Variants in RBFOX1 observed in about 807,000 individuals in gnomAD.
RBFOX1 encodes the protein RNA binding fox-1 homolog 1.
RBFOX1 carries 8 observed loss-of-function variants against 57.7 expected under a neutral mutation model. That is an observed-to-expected ratio of 0.14 (90% CI 0.08 to 0.25). RBFOX1 has a LOEUF of 0.25. Ranked by LOEUF, RBFOX1 falls within the 10% of genes least tolerant of loss-of-function variation. The pLI, the probability that RBFOX1 is intolerant of heterozygous loss-of-function variation, is 1.00. For missense variants in RBFOX1, 611 were observed against 548.5 expected (o/e 1.11, Z -1.14); for synonymous variants, 326 against 222.4 (o/e 1.47, Z -4.15).
At chr16:6,396,840 G>A (rs1018827013) in intron 2 of RBFOX1, among the ~76,000 whole-genome samples, 6 of 151,720 alleles carry the variant, frequency 4.0e-5, no homozygotes, top group African/African-American at 1.5e-4. Flanking sequence ...TGAAACAGCT[G>A]GTATAAATGT....
chr16:6,563,900 GTA>G (rs2097219419), intron 2 of RBFOX1, among the ~76,000 whole-genome samples: 1 of 151,586 alleles, frequency 6.6e-6, no homozygotes, highest in Non-Finnish European at 1.5e-5. Flanking sequence ...GTATATGTGC[GTA>G]TATGTGTGTG....
intron 4 of RBFOX1, among the ~76,000 whole-genome samples, chr16:5,891,479 T>C (rs1037075490): frequency 6.6e-6 from 1 of 152,230 alleles, no homozygotes; most frequent in African/African-American, 2.4e-5. Flanking sequence ...AGTTTTAAAA[T>C]AGACAAACTA....
chr16:7,014,726 T>C (rs1027636574), intron 3 of RBFOX1, among the ~76,000 whole-genome samples: 2 of 151,742 alleles, frequency 1.3e-5, no homozygotes, highest in Non-Finnish European at 2.9e-5. Flanking sequence ...CCAAGTTCTT[T>C]ACCAGGTTGT....
intron 1 of RBFOX1, among the ~76,000 whole-genome samples, chr16:5,253,432 G>A (rs1468507067): frequency 9.9e-5 from 15 of 152,098 alleles, no homozygotes; most frequent in South Asian, 2.1e-4. Flanking sequence ...GATTACAGGC[G>A]TGAGCCACCA....
chr16:7,052,151 G>C, intron 4 of RBFOX1, 53 bp downstream of exon 4: 1 of 1,573,646 alleles, frequency 6.4e-7, no homozygotes, highest in Non-Finnish European at 8.6e-7. Context: ...TGTGTGATAA[G>C]CAAAAATTTC....
chr16:6,189,004 A>C (rs1318304157), intron 1 of RBFOX1, among the ~76,000 whole-genome samples: 2 of 152,218 alleles, frequency 1.3e-5, no homozygotes, highest in Admixed American at 6.5e-5. Context: ...AAATATTTGA[A>C]CATGTTTATT....
At chr16:5,569,387 TG>T (rs1468019631) in intron 2 of RBFOX1, among the ~76,000 whole-genome samples, 1 of 150,354 alleles carries the variant, frequency 6.7e-6, no homozygotes, top group African/African-American at 2.4e-5. Context: ...TGAAACAGAA[TG>T]TATGATGCTC....
At chr16:7,425,150 A>G (rs1242590577) in intron 4 of RBFOX1, among the ~76,000 whole-genome samples, 1 of 152,216 alleles carries the variant, frequency 6.6e-6, no homozygotes, top group Non-Finnish European at 1.5e-5. Context: ...AGACATTTAG[A>G]GAAAAAAATG....
rs1208195392 is a variant in RBFOX1 at position 6,596,402 on chromosome 16, GA to G, written c.-63-58200del. 1.1e-4 allele frequency among the ~76,000 whole-genome samples: 17 copies of G among 152,140 alleles called. No individual in the cohort carries two copies. In the East Asian group the frequency reaches 3.3e-3, roughly 29 times the overall value. On this transcript the variant is annotated intron_variant, in intron 2 of 15. Coordinates refer to ENST00000550418, the MANE Select transcript of RBFOX1 (RefSeq NM_018723.4). ...CTGAATTGACTAGGTACTTCTTACTGACTTTGACCCTAGGGTGCGTCACTGC... is the reference window on the plus strand; with the variant it reads ...CTGAATTGACTAGGTACTTCTTACTGCTTTGACCCTAGGGTGCGTCACTGC...
At chr16:6,483,830 G>C in intron 2 of RBFOX1, 1 of 1,272,966 alleles carries the variant, frequency 7.9e-7, no homozygotes, top group South Asian at 2.1e-5. Flanking sequence ...ATTAGAATAG[G>C]GGACTTGGCC....
intron 5 of RBFOX1, among the ~76,000 whole-genome samples, chr16:7,567,649 C>G (rs1602026460): frequency 3.2e-5 from 2 of 61,584 alleles, no homozygotes; most frequent in Admixed American, 3.8e-4. Context: ...CTATATATGG[C>G]CCTATATATA....
At chr16:6,682,152 T>C (rs1016612458) in intron 3 of RBFOX1, among the ~76,000 whole-genome samples, 1 of 152,190 alleles carries the variant, frequency 6.6e-6, no homozygotes, top group African/African-American at 2.4e-5. Flanking sequence ...ATGTGTATTG[T>C]TTGCCTGTAA....
At chr16:6,770,279 A>T (rs2078066865) in intron 3 of RBFOX1, among the ~76,000 whole-genome samples, 1 of 152,188 alleles carries the variant, frequency 6.6e-6, no homozygotes, top group Non-Finnish European at 1.5e-5. Flanking sequence ...ATTTTACTTA[A>T]ACTTGACCAA....
At chr16:5,905,438 G>A (rs1379534601) in intron 4 of RBFOX1, among the ~76,000 whole-genome samples, 1 of 152,016 alleles carries the variant, frequency 6.6e-6, no homozygotes, top group African/African-American at 2.4e-5. Flanking sequence ...AAGGCCAGGC[G>A]CAGTGGCTCT....
At position 6,669,472 on chromosome 16, in the gene RBFOX1, TTC is replaced by T. The variant is rs565631003; in HGVS notation, c.-16+14824_-16+14825del. On this transcript the variant is annotated intron_variant, in intron 3 of 15. Coordinates refer to ENST00000550418, the MANE Select transcript of RBFOX1 (RefSeq NM_018723.4). Reference sequence around the variant, plus strand: ...AGATCAACCAGAGGTTTTTCATATTTTCTTTGTTTTTTTCCAGAGTGATTGCA... The same window carrying T: ...AGATCAACCAGAGGTTTTTCATATTTTTTGTTTTTTTCCAGAGTGATTGCA... Among the ~76,000 whole-genome samples, 242 of 152,280 alleles carry T rather than the reference TTC, an allele frequency of 1.6e-3. 2 individuals are homozygous for T. The highest frequency in any genetic ancestry group is 5.4e-3 in the African/African-American group (224 of 41,544).
intron 1 of RBFOX1, among the ~76,000 whole-genome samples, chr16:5,425,201 G>C (rs2067520256): frequency 6.6e-6 from 1 of 151,518 alleles, no homozygotes; most frequent in South Asian, 2.1e-4. Context: ...CGACTCCTTG[G>C]TTCAAGTGAT....
At chr16:6,903,064 C>T (rs965822599) in intron 3 of RBFOX1, among the ~76,000 whole-genome samples, 1 of 152,136 alleles carries the variant, frequency 6.6e-6, no homozygotes, top group African/African-American at 2.4e-5. Flanking sequence ...TTGTGAGCAT[C>T]TGTTGGAGCA....
intron 14 of RBFOX1, among the ~76,000 whole-genome samples, chr16:7,695,545 C>G (rs2078526535): frequency 6.6e-6 from 1 of 151,628 alleles, no homozygotes; most frequent in Non-Finnish European, 1.5e-5. Context: ...CCCAACTACT[C>G]AGGAGACTGA....
chr16:7,205,230 G>T (rs982505289), intron 4 of RBFOX1, among the ~76,000 whole-genome samples: 1 of 152,014 alleles, frequency 6.6e-6, no homozygotes. Flanking sequence ...AAAATGTATG[G>T]AAATGGGCGG....
Sources: gnomAD v4.1 joint callset for allele counts (sites outside exome capture counted in the v4.1 genomes callset) on GRCh38, gnomAD v4.1.1 for gene constraint, MANE v1.5 for transcripts, NCBI Gene and HGNC (gene_info 2026-07-23, HGNC 2026-07-21) for gene names.